CEP85: variants seen among roughly 807,000 people sequenced by gnomAD.
The protein encoded by CEP85 is centrosomal protein of 85 kDa.
In CEP85, 58 loss-of-function variants were observed where a neutral mutation model predicts 93.7. That is an observed-to-expected ratio of 0.62 (90% CI 0.50 to 0.77). The LOEUF (loss-of-function observed/expected upper bound fraction) is 0.77, where lower values mean the gene tolerates loss of function less well. Among genes scored for constraint, CEP85 ranks in the 30% least tolerant of loss-of-function variants. CEP85 has a pLI of 0.00. For synonymous variants in CEP85, 314 were observed against 338.6 expected (o/e 0.93, Z 0.80); for missense variants, 868 against 922.0 (o/e 0.94, Z 0.76).
At chr1:26,235,810 G>C (rs2089317977) in intron 1 of CEP85, among the ~76,000 whole-genome samples, 1 of 152,114 alleles carries the variant, frequency 6.6e-6, no homozygotes, top group African/African-American at 2.4e-5. Context: ...GACCTCAGGT[G>C]ATCCGCCCGC....
rs67466493 is a variant in CEP85, at chr1:26,238,202, C to CTTTTTTTTTTTT, written c.-22-1555_-22-1544dup. Reference sequence around the variant, plus strand: ...TATGTTCTGTGAATTGTCCCAAACTCTTTTTTTTTTTTTTTTGAGACGGAG... The same window carrying CTTTTTTTTTTTT: ...TATGTTCTGTGAATTGTCCCAAACTCTTTTTTTTTTTTTTTTTTTTTTTTTTTTGAGACGGAG... On this transcript the variant is annotated intron_variant, in intron 1 of 13. Coordinates refer to ENST00000451429, the MANE Select transcript of CEP85 (RefSeq NM_001319944.2). Among the ~76,000 whole-genome samples, 17 of 88,298 alleles carry CTTTTTTTTTTTT rather than the reference C, an allele frequency of 1.9e-4. 2 individuals are homozygous for CTTTTTTTTTTTT. The highest frequency in any genetic ancestry group is 3.2e-4 in the African/African-American group (7 of 22,158). The allele number at this position is 88,298 out of a possible 152,430, so 57.9% of individuals were successfully genotyped here.
intron 3 of CEP85, among the ~76,000 whole-genome samples, chr1:26,247,597 T>C (rs1292333861): frequency 1.3e-5 from 2 of 152,010 alleles, no homozygotes; most frequent in African/African-American, 4.8e-5. Context: ...GGGGACCACA[T>C]CTACTATTAC....
chr1:26,259,704 A>G lies in CEP85; in HGVS notation c.1243A>G (p.Lys415Glu). Residue 415 changes from lysine to glutamate, a missense_variant, in exon 7 of 14, where the codon AAA becomes GAA. Transcript: ENST00000451429. Reference protein sequence around the residue: ...LSREKIDLEKKLSASEVEVQL... With the variant: ...LSREKIDLEKELSASEVEVQL... ...CAGAGAAAAGATTGACCTTGAAAAG[A>G]AACTCTCTGCTTCTGAAGTTGAAGT... The G allele has an allele frequency of 2.5e-6, 4 of 1,614,190 alleles. No homozygotes were observed. The highest frequency in any genetic ancestry group is 3.4e-6 in the Non-Finnish European group (4 of 1,180,000).
chr1:26,254,693 C>T (rs760369145), intron 3 of CEP85: 14 of 168,518 alleles, frequency 8.3e-5, no homozygotes, highest in East Asian at 3.3e-4. Flanking sequence ...AGTTTGGACT[C>T]GTTGCTCACC....
In CEP85 at chr1:26,252,995, G is replaced by A. The variant is rs549538730; in HGVS notation, c.209-2176G>A. On this transcript the variant is annotated intron_variant, in intron 3 of 13. Transcript: ENST00000451429. ...TTCCACATATAAGTAAGAACGTGCA[G>A]TATTTGTCATTTTGTGCCTGGCTTA... 5.3e-5 allele frequency among the ~76,000 whole-genome samples: 8 copies of A among 152,172 alleles called. No individual in the cohort carries two copies. In the South Asian group the frequency reaches 1.5e-3, roughly 28 times the overall value.
In CEP85 at chr1:26,276,759, C is replaced by T. The variant is rs750878191; in HGVS notation, c.2127C>T (p.His709=). 3 of 1,611,758 alleles carry T rather than the reference C, an allele frequency of 1.9e-6. No individual in the cohort carries two copies. The East Asian group carries it at 6.7e-5, about 36-fold the overall frequency. The change falls in exon 13 of 14, where the codon CAC becomes CAT. Residue 709 remains histidine (H), a splice_region_variant and synonymous_variant. Coordinates refer to ENST00000451429, the MANE Select transcript of CEP85 (RefSeq NM_001319944.2). ...DPNLSLLLGI[H]SQHPETQLDL... is the part of the protein sequence containing the mutation. ...ATCTCTCCCTGCTCCTGGGCATTCA[C>T]TGTGAGTCCTCAGACCAGTCTGGGG...
At chr1:26,252,061 C>T (rs1398512333) in intron 3 of CEP85, among the ~76,000 whole-genome samples, 6 of 150,858 alleles carry the variant, frequency 4.0e-5, no homozygotes, top group African/African-American at 9.8e-5. Context: ...GGTGAAACCC[C>T]GTCTACTAAA....
chr1:26,250,730 G>A (rs1254177206), intron 3 of CEP85, among the ~76,000 whole-genome samples: 2 of 151,984 alleles, frequency 1.3e-5, no homozygotes, highest in Admixed American at 6.6e-5. Flanking sequence ...TTATCTTAGT[G>A]TATTTTCTGT....
chr1:26,244,036 A>C, intron 2 of CEP85, 130 bp from the exon 3 acceptor site: 2 of 679,684 alleles, frequency 2.9e-6, no homozygotes, highest in Non-Finnish European at 4.6e-6. Context: ...GAGCAGCTGA[A>C]ATAGGCACAG....
At chr1:26,274,775 T>A (rs1337848492) in intron 11 of CEP85, among the ~76,000 whole-genome samples, 189 bp from the exon 12 acceptor site, 1 of 152,142 alleles carries the variant, frequency 6.6e-6, no homozygotes, top group Non-Finnish European at 1.5e-5. Context: ...GACCTCTATT[T>A]GGTATGTGGT....
intron 8 of CEP85, 72 bp from the exon 9 acceptor site, chr1:26,269,388 C>A: frequency 6.9e-7 from 1 of 1,454,280 alleles, no homozygotes; most frequent in Non-Finnish European, 9.6e-7. Flanking sequence ...TTCTTTGTGA[C>A]ACCGAGGAAC....
At chr1:26,249,326 C>T (rs2089566786) in intron 3 of CEP85, among the ~76,000 whole-genome samples, 1 of 152,268 alleles carries the variant, frequency 6.6e-6, no homozygotes, top group Non-Finnish European at 1.5e-5. Flanking sequence ...AGCTGATCCA[C>T]TCACCTTGGC....
chr1:26,235,567 C>CTTTT (rs1192252673), intron 1 of CEP85, among the ~76,000 whole-genome samples: 1,348 of 95,372 alleles, frequency 0.014, 9 homozygotes, highest in Non-Finnish European at 0.018. Context: ...GATTGTAATT[C>CTTTT]TTTTTTTTTT....
chr1:26,267,268 G>T (rs1287903109), intron 7 of CEP85, among the ~76,000 whole-genome samples: 1 of 152,170 alleles, frequency 6.6e-6, no homozygotes, highest in East Asian at 1.9e-4. Context: ...TTTATTATAA[G>T]GGATACAATT....
At chr1:26,240,553 A>G (rs6684875) in intron 2 of CEP85, among the ~76,000 whole-genome samples, 25,119 of 152,108 alleles carry the variant, frequency 0.17, 2,178 homozygotes, top group Middle Eastern at 0.21. Context: ...ATGCACATTC[A>G]GTAAGATACC....
chr1:26,243,526 ATACTTTTCAGT>A (rs1243106577), intron 2 of CEP85, among the ~76,000 whole-genome samples: 1 of 152,156 alleles, frequency 6.6e-6, no homozygotes, highest in Non-Finnish European at 1.5e-5. Context: ...AGGGGTGGTA[ATACTTTTCAGT>A]AAGTAGGTAG....
At chr1:26,273,675 T>A (rs946023204) in intron 11 of CEP85, among the ~76,000 whole-genome samples, 1 of 152,054 alleles carries the variant, frequency 6.6e-6, no homozygotes, top group Non-Finnish European at 1.5e-5. Context: ...GGTGGGCAGA[T>A]CACAAGGTCA....
intron 3 of CEP85, among the ~76,000 whole-genome samples, chr1:26,254,247 A>G (rs1187723485): frequency 6.6e-6 from 1 of 152,192 alleles, no homozygotes; most frequent in East Asian, 1.9e-4. Context: ...GCTGAAAGCA[A>G]TAAGTATGTT....
Position 26,255,636 on chromosome 1 carries a change from C to T in CEP85, c.674C>T (p.Ala225Val). The T allele has an allele frequency of 6.2e-7, 1 of 1,614,038 alleles. No homozygotes were observed. Among genetic ancestry groups the T allele is most frequent in the South Asian group, 1.1e-5 (1 of 91,064 alleles). ...SKELYRVLPE[A>V]KKAPGSGAVF... ...GAGTTGTACAGAGTGTTGCCTGAGGCCAAGAAGGCACCGGGCAGCGGGGCA... is the reference window on the plus strand; with the variant it reads ...GAGTTGTACAGAGTGTTGCCTGAGGTCAAGAAGGCACCGGGCAGCGGGGCA... Residue 225 changes from alanine to valine, a missense_variant, in exon 4 of 14, where the codon GCC becomes GTC. Transcript: ENST00000451429.
Sources: gnomAD v4.1 joint callset for allele counts (sites outside exome capture counted in the v4.1 genomes callset) on GRCh38, gnomAD v4.1.1 for gene constraint, MANE v1.5 for transcripts, NCBI Gene and HGNC (gene_info 2026-07-23, HGNC 2026-07-21) for gene names.